DEPDC1B: variants seen among roughly 807,000 people sequenced by gnomAD.
The protein encoded by DEPDC1B is DEP domain-containing protein 1B.
In DEPDC1B, 51 loss-of-function variants were observed where a neutral mutation model predicts 66.5. That is an observed-to-expected ratio of 0.77 (90% CI 0.61 to 0.97). The LOEUF (loss-of-function observed/expected upper bound fraction) is 0.97, where lower values mean the gene tolerates loss of function less well. Among genes scored for constraint, DEPDC1B ranks in the 50% least tolerant of loss-of-function variants. The probability of loss-of-function intolerance (pLI) is 0.00; values close to 1 mark genes in which losing one functional copy is unlikely to be tolerated. For synonymous variants in DEPDC1B, 226 were observed against 223.6 expected, an observed-to-expected ratio of 1.01 and a Z score of -0.10; for missense variants, 552 against 637.1, an observed-to-expected ratio of 0.87 and a Z score of 1.44.
intron 2 of DEPDC1B, among the ~76,000 whole-genome samples, chr5:60,684,494 G>A (rs1326444369): frequency 6.6e-6 from 1 of 152,136 alleles, no homozygotes; most frequent in Non-Finnish European, 1.5e-5. Context: ...CATATATTGG[G>A]GAAAGGATAT....
chr5:60,651,397 G>A (rs1284793490), intron 2 of DEPDC1B, among the ~76,000 whole-genome samples: 2 of 151,928 alleles, frequency 1.3e-5, no homozygotes, highest in Non-Finnish European at 2.9e-5. Flanking sequence ...GCATGGTGGC[G>A]TGTGCCTGTA....
At chr5:60,677,318 A>T (rs1310280462) in intron 2 of DEPDC1B, among the ~76,000 whole-genome samples, 2 of 113,860 alleles carry the variant, frequency 1.8e-5, no homozygotes, top group African/African-American at 8.6e-5. Context: ...ACACACACAC[A>T]CACACACACT....
At chr5:60,604,215 A>ATTTTTTTTTTTTTTT (rs1323826916) in intron 8 of DEPDC1B, among the ~76,000 whole-genome samples, 15 of 60,066 alleles carry the variant, frequency 2.5e-4, no homozygotes, top group East Asian at 1.2e-3. Flanking sequence ...GAAATTAACT[A>ATTTTTTTTTTTTTTT]TTCTTTTTTT....
intron 7 of DEPDC1B, among the ~76,000 whole-genome samples, chr5:60,623,730 C>T (rs1752755640): frequency 6.6e-6 from 1 of 152,138 alleles, no homozygotes; most frequent in Non-Finnish European, 1.5e-5. Flanking sequence ...AGGTCTTGCA[C>T]ACACCTTGTT....
intron 2 of DEPDC1B, among the ~76,000 whole-genome samples, chr5:60,652,181 C>T (rs1205400573): frequency 2.0e-5 from 3 of 149,226 alleles, no homozygotes; most frequent in South Asian, 4.5e-4. Flanking sequence ...TGTGCAATTG[C>T]GCTTCATGCA....
intron 9 of DEPDC1B, 77 bp from the exon 10 acceptor site, chr5:60,599,337 C>T (rs1480138602): frequency 8.6e-7 from 1 of 1,168,230 alleles, no homozygotes; most frequent in East Asian, 2.7e-5. Context: ...AGATCAAATA[C>T]AGGATATCTC....
In DEPDC1B at chr5:60,686,976, A is replaced by T; in HGVS notation, c.300T>A (p.Asn100Lys). Residue 100 changes from asparagine to lysine, a missense_variant, in exon 2 of 11, where the codon AAT becomes AAA. Physicochemically the swap from Asn to Lys is moderately conservative, Grantham distance 94. Transcript: ENST00000265036. ...GKWGEEDFED[N>K]RHLYRFPPSS... ...GTTGCCATTACCTGTATAAGTGACG[A>T]TTGTCTTCAAAATCTTCCTCACCCC... The T allele has an allele frequency of 6.2e-7, 1 of 1,614,164 alleles. No individual in the cohort carries two copies. Among genetic ancestry groups the T allele is most frequent in the Middle Eastern group, 1.7e-4 (1 of 6,060 alleles).
intron 2 of DEPDC1B, among the ~76,000 whole-genome samples, chr5:60,650,314 C>G (rs1753415754): frequency 6.6e-6 from 1 of 152,162 alleles, no homozygotes; most frequent in Admixed American, 6.5e-5. Flanking sequence ...GATATCAAGG[C>G]TAACATAATA....
At chr5:60,603,846 T>C (rs150825352) in intron 8 of DEPDC1B, among the ~76,000 whole-genome samples, 3,153 of 134,362 alleles carry the variant, frequency 0.023, 53 homozygotes, top group African/African-American at 0.03. Flanking sequence ...TATATATATA[T>C]ACACACACAT....
chr5:60,696,625 C>T (rs1754659629), intron 1 of DEPDC1B, among the ~76,000 whole-genome samples: 2 of 151,590 alleles, frequency 1.3e-5, no homozygotes, highest in Non-Finnish European at 2.9e-5. Flanking sequence ...GTTTTTTTTT[C>T]ATGACATTAT....
chr5:60,603,164 A>C (rs1752235860), intron 9 of DEPDC1B, among the ~76,000 whole-genome samples: 4 of 152,196 alleles, frequency 2.6e-5, no homozygotes, highest in Non-Finnish European at 1.5e-5. Flanking sequence ...ATTAGCAATA[A>C]AAAATATGCC....
chr5:60,621,000 G>A (rs1752687527), intron 7 of DEPDC1B, among the ~76,000 whole-genome samples: 1 of 152,088 alleles, frequency 6.6e-6, no homozygotes, highest in Admixed American at 6.6e-5. Context: ...GGACATGGAT[G>A]AAACTGGAAA....
chr5:60,617,770 G>C (rs1752595706), intron 7 of DEPDC1B, among the ~76,000 whole-genome samples: 1 of 152,260 alleles, frequency 6.6e-6, no homozygotes, highest in Non-Finnish European at 1.5e-5. Flanking sequence ...ACTGAACTCA[G>C]CTCTGCACCA....
intron 7 of DEPDC1B, among the ~76,000 whole-genome samples, chr5:60,625,869 C>T (rs1326761822): frequency 6.6e-6 from 1 of 152,032 alleles, no homozygotes; most frequent in Non-Finnish European, 1.5e-5. Flanking sequence ...TGTGTGTATT[C>T]AAGCTCACTG....
intron 2 of DEPDC1B, among the ~76,000 whole-genome samples, chr5:60,676,714 C>T (rs1221063086): frequency 1.3e-5 from 2 of 152,136 alleles, no homozygotes; most frequent in Non-Finnish European, 2.9e-5. Context: ...CCGACCCAGG[C>T]TGAAGTCCTG....
intron 2 of DEPDC1B, among the ~76,000 whole-genome samples, chr5:60,670,426 T>C (rs1754009142): frequency 6.6e-6 from 1 of 152,146 alleles, no homozygotes; most frequent in South Asian, 2.1e-4. Context: ...TCAGGAAAGC[T>C]ACAAAAAAAA....
chr5:60,669,579 T>G (rs1028874295), intron 2 of DEPDC1B, among the ~76,000 whole-genome samples: 2 of 152,190 alleles, frequency 1.3e-5, no homozygotes, highest in African/African-American at 4.8e-5. Flanking sequence ...CCATTAGTGG[T>G]ATATATCACC....
Position 60,599,061 on chromosome 5 carries a change from G to A in DEPDC1B, c.1428+14C>T, listed in dbSNP as rs774337772. Reference sequence around the variant, plus strand: ...GGGAGGAGAAAAAATGGCTTATAAAGAATATCCTTTTACCTGCTTCAGTTT... The same window carrying A: ...GGGAGGAGAAAAAATGGCTTATAAAAAATATCCTTTTACCTGCTTCAGTTT... On this transcript the variant is annotated intron_variant, in intron 10 of 10. Transcript: ENST00000265036. 1.9e-6 allele frequency: 3 copies of A among 1,552,284 alleles called. No homozygotes were observed. The highest frequency in any genetic ancestry group is 1.2e-5 in the South Asian group (1 of 80,446).
chr5:60,638,409 C>G (rs1367655372), intron 7 of DEPDC1B, among the ~76,000 whole-genome samples: 1 of 152,152 alleles, frequency 6.6e-6, no homozygotes, highest in East Asian at 1.9e-4. Flanking sequence ...GAAGTCATAG[C>G]CAGAATAACA....
Sources: gnomAD v4.1 joint callset for allele counts (sites outside exome capture counted in the v4.1 genomes callset) on GRCh38, gnomAD v4.1.1 for gene constraint, MANE v1.5 for transcripts, NCBI Gene and HGNC (gene_info 2026-07-23, HGNC 2026-07-21) for gene names.